Variants in RNF180 observed in about 807,000 individuals in gnomAD.
RNF180 encodes ring finger protein 180, also known as E3 ubiquitin-protein ligase RNF180.
RNF180 carries 38 observed loss-of-function variants against 59.2 expected under a neutral mutation model. The ratio of observed to expected loss-of-function variants is 0.64; its 90% CI spans 0.50 to 0.84. The LOEUF (loss-of-function observed/expected upper bound fraction) is 0.84. Ranked by LOEUF, RNF180 falls within the 40% of genes least tolerant of loss-of-function variation. The pLI, the probability that RNF180 is intolerant of heterozygous loss-of-function variation, is 0.00. For synonymous variants in RNF180, 262 were observed against 240.3 expected, an observed-to-expected ratio of 1.09 and a Z score of -0.84; for missense variants, 705 against 700.9, an observed-to-expected ratio of 1.01 and a Z score of -0.07.
chr5:64,285,104 C>T (rs1333107116), intron 5 of RNF180, among the ~76,000 whole-genome samples: 6 of 152,198 alleles, frequency 3.9e-5, no homozygotes, highest in East Asian at 1.9e-4. Flanking sequence ...GCTCAGCACT[C>T]CTGGGCTACA....
intron 5 of RNF180, among the ~76,000 whole-genome samples, chr5:64,254,403 AAT>A (rs1393440029): frequency 6.6e-6 from 1 of 152,262 alleles, no homozygotes; most frequent in East Asian, 1.9e-4. Context: ...TTCAAACAAG[AAT>A]TGTTTATTTC....
At chr5:64,168,624 G>A (rs1158602606) in intron 1 of RNF180, among the ~76,000 whole-genome samples, 2 of 152,118 alleles carry the variant, frequency 1.3e-5, no homozygotes, top group African/African-American at 4.8e-5. Context: ...ATTTCATAGA[G>A]AAGTTTGAAT....
intron 2 of RNF180, 26 bp downstream of exon 2, chr5:64,200,968 A>G (rs375268227): frequency 1.9e-6 from 3 of 1,605,818 alleles, no homozygotes; most frequent in East Asian, 4.5e-5. Context: ...TCCAGTCTTC[A>G]GTTTCCTGGT....
At chr5:64,226,042 G>A in intron 5 of RNF180, among the ~76,000 whole-genome samples, 1 of 149,942 alleles carries the variant, frequency 6.7e-6, no homozygotes, top group South Asian at 2.1e-4. Flanking sequence ...GGGAAGTGAG[G>A]AGCGCCTCTG....
chr5:64,267,072 C>G (rs1232821921), intron 5 of RNF180, among the ~76,000 whole-genome samples: 1 of 151,974 alleles, frequency 6.6e-6, no homozygotes, highest in South Asian at 2.1e-4. Flanking sequence ...ATATCATATT[C>G]AGCTTCTCTA....
chr5:64,197,129 T>A (rs1295148978), intron 1 of RNF180, among the ~76,000 whole-genome samples: 3 of 152,178 alleles, frequency 2.0e-5, no homozygotes, highest in Non-Finnish European at 4.4e-5. Context: ...TAGCAAAGGA[T>A]AGACAAAGAA....
intron 5 of RNF180, among the ~76,000 whole-genome samples, chr5:64,242,211 C>T (rs1243996620): frequency 6.6e-6 from 1 of 152,210 alleles, no homozygotes; most frequent in Non-Finnish European, 1.5e-5. Flanking sequence ...ATCGTGGCTG[C>T]TTCTGGCACC....
intron 5 of RNF180, among the ~76,000 whole-genome samples, chr5:64,246,718 T>C (rs1054549879): frequency 1.3e-5 from 2 of 152,136 alleles, no homozygotes; most frequent in African/African-American, 4.8e-5. Context: ...CTGAAACTAT[T>C]CCAAACAATA....
intron 1 of RNF180, among the ~76,000 whole-genome samples, chr5:64,191,599 T>C (rs1185659793): frequency 6.6e-6 from 1 of 152,228 alleles, no homozygotes; most frequent in Non-Finnish European, 1.5e-5. Flanking sequence ...AAACATATTT[T>C]TTCTGTTGTC....
At chr5:64,209,934 T>A (rs915388873) in intron 2 of RNF180, among the ~76,000 whole-genome samples, 1 of 152,116 alleles carries the variant, frequency 6.6e-6, no homozygotes, top group Non-Finnish European at 1.5e-5. Context: ...AAAGCTATAC[T>A]GTTTAGTTTT....
chr5:64,351,704 A>G (rs1408070307), intron 7 of RNF180, among the ~76,000 whole-genome samples: 1 of 151,566 alleles, frequency 6.6e-6, no homozygotes, highest in Non-Finnish European at 1.5e-5. Context: ...GCTGGATTAC[A>G]TTTATTGATT....
At chr5:64,326,670 G>T (rs188500018) in intron 6 of RNF180, among the ~76,000 whole-genome samples, 3 of 152,036 alleles carry the variant, frequency 2.0e-5, no homozygotes, top group African/African-American at 4.8e-5. Context: ...GATAAATCCC[G>T]CTTGGTCATA....
At chr5:64,240,686 C>T (rs1369337203) in intron 5 of RNF180, among the ~76,000 whole-genome samples, 2 of 152,200 alleles carry the variant, frequency 1.3e-5, no homozygotes, top group Admixed American at 6.5e-5. Flanking sequence ...TACCTATAAT[C>T]GTCTTCTCAC....
intron 5 of RNF180, among the ~76,000 whole-genome samples, chr5:64,324,721 A>G (rs1280782644): frequency 6.6e-6 from 1 of 152,212 alleles, no homozygotes; most frequent in Admixed American, 6.5e-5. Context: ...CACAAAATAT[A>G]GAATAGAGAA....
chr5:64,359,632 T>G (rs900786879), intron 7 of RNF180, among the ~76,000 whole-genome samples: 7 of 151,492 alleles, frequency 4.6e-5, no homozygotes, highest in African/African-American at 1.2e-4. Context: ...AGAAGCTCTT[T>G]AGTTTAATTA....
At chr5:64,335,150 A>G in intron 7 of RNF180, among the ~76,000 whole-genome samples, 1 of 152,156 alleles carries the variant, frequency 6.6e-6, no homozygotes, top group Admixed American at 6.5e-5. Flanking sequence ...ATTGATCATT[A>G]AATTTCTTCA....
chr5:64,208,603 T>G (rs1216079592), intron 2 of RNF180, among the ~76,000 whole-genome samples: 2 of 152,064 alleles, frequency 1.3e-5, no homozygotes, highest in African/African-American at 4.8e-5. Context: ...TAAAAATGTA[T>G]TTTTTCTAAG....
chr5:64,192,903 G>GTGTATA (rs1486448173), intron 1 of RNF180, among the ~76,000 whole-genome samples: 1 of 93,890 alleles, frequency 1.1e-5, no homozygotes, highest in African/African-American at 4.1e-5. Flanking sequence ...AGTGTGGCAT[G>GTGTATA]TATATATATA....
intron 7 of RNF180, among the ~76,000 whole-genome samples, chr5:64,364,714 G>A (rs1416527042): frequency 6.6e-6 from 1 of 151,460 alleles, no homozygotes; most frequent in Non-Finnish European, 1.5e-5. Flanking sequence ...GAATTTTTTT[G>A]GTTGATAGGC....
Sources: allele counts gnomAD v4.1 joint callset (sites outside exome capture counted in the v4.1 genomes callset), GRCh38; gene constraint gnomAD v4.1.1; transcripts MANE v1.5; gene names NCBI Gene and HGNC (gene_info 2026-07-23, HGNC 2026-07-21).